The following TNS1 variants were observed in gnomAD, a reference collection of about 807,000 sequenced individuals.
TNS1 encodes tensin-1.
In TNS1, 62 loss-of-function variants were observed where a neutral mutation model predicts 168.6. The observed-to-expected ratio is 0.37, with a 90% CI of 0.30 to 0.45. TNS1 has a LOEUF of 0.45. Ranked by LOEUF, TNS1 falls within the 20% of genes least tolerant of loss-of-function variation. TNS1 has a pLI of 1.00. For synonymous variants in TNS1, 934 were observed against 933.2 expected (o/e 1.00, Z -0.02); for missense variants, 2,240 against 2,339.4 (o/e 0.96, Z 0.88).
At chr2:217,967,831 A>G (rs906441642) in intron 3 of TNS1, among the ~76,000 whole-genome samples, 8 of 152,212 alleles carry the variant, frequency 5.3e-5, no homozygotes, top group East Asian at 1.9e-4. Flanking sequence ...GGCCAAAACC[A>G]AAGATATCAA....
chr2:217,912,298 G>A (rs560897809), intron 4 of TNS1, among the ~76,000 whole-genome samples: 78 of 152,344 alleles, frequency 5.1e-4, no homozygotes, highest in East Asian at 4.6e-3. Context: ...GCCCAGGGCC[G>A]AGGGGAAGGG....
chr2:217,844,925 A>T (rs1946444205), intron 19 of TNS1, among the ~76,000 whole-genome samples: 1 of 152,222 alleles, frequency 6.6e-6, no homozygotes, highest in African/African-American at 2.4e-5. Flanking sequence ...ACTGGCTAGG[A>T]CATCCAATAC....
At chr2:217,918,536 C>T (rs547648479) in intron 4 of TNS1, among the ~76,000 whole-genome samples, 1 of 152,212 alleles carries the variant, frequency 6.6e-6, no homozygotes, top group Non-Finnish European at 1.5e-5. Flanking sequence ...GCAGTCCCCC[C>T]AGCTGGAATG....
At chr2:217,816,958 A>G (rs568295323) in intron 24 of TNS1, among the ~76,000 whole-genome samples, 1 of 152,326 alleles carries the variant, frequency 6.6e-6, no homozygotes, top group East Asian at 1.9e-4. Flanking sequence ...TGTTTAGACA[A>G]TGAGCTTTCT....
chr2:218,016,056 G>C (rs904945179), intron 1 of TNS1, among the ~76,000 whole-genome samples: 7 of 152,084 alleles, frequency 4.6e-5, no homozygotes, highest in Non-Finnish European at 1.5e-5. Flanking sequence ...CCAGGGAAAG[G>C]GGGAGGGCAG....
At chr2:217,861,130 C>T (rs564515038) in intron 18 of TNS1, among the ~76,000 whole-genome samples, 1 of 152,296 alleles carries the variant, frequency 6.6e-6, no homozygotes, top group East Asian at 1.9e-4. Flanking sequence ...TACTGTCTTC[C>T]TCCAAAAGCC....
intron 22 of TNS1, among the ~76,000 whole-genome samples, chr2:217,825,308 C>A (rs1231896465): frequency 6.6e-6 from 1 of 152,042 alleles, no homozygotes; most frequent in East Asian, 1.9e-4. Flanking sequence ...GTGGCTACAT[C>A]CCCTACCCAC....
intron 19 of TNS1, among the ~76,000 whole-genome samples, chr2:217,843,491 G>C (rs4643515): frequency 0.45 from 68,274 of 151,844 alleles, 16,775 homozygotes; most frequent in African/African-American, 0.67. Flanking sequence ...CAAAACCACT[G>C]AAAAGAGTAC....
chr2:217,836,280 C>T, intron 19 of TNS1, 69 bp from the exon 20 acceptor site: 1 of 1,469,454 alleles, frequency 6.8e-7, no homozygotes. Context: ...CGGCCTAATC[C>T]CATCAGAGAA....
intron 18 of TNS1, chr2:217,879,590 A>G: frequency 3.3e-6 from 1 of 299,578 alleles, no homozygotes; most frequent in South Asian, 2.4e-5. Flanking sequence ...CACGTAAAAA[A>G]ATGTGCTCTC....
At chr2:217,808,217 C>A (rs987801518) in intron 31 of TNS1, 110 bp from the exon 32 acceptor site, 2 of 1,321,284 alleles carry the variant, frequency 1.5e-6, no homozygotes, top group African/African-American at 1.5e-5. Context: ...GAGCTGCCCC[C>A]CATTCCCCCC....
chr2:218,015,655 C>G (rs567842387), intron 1 of TNS1, among the ~76,000 whole-genome samples: 13 of 152,312 alleles, frequency 8.5e-5, no homozygotes, highest in African/African-American at 3.1e-4. Context: ...CCCCCACCCC[C>G]CTTTATTCTC....
chr2:217,871,467 A>G (rs755776009), intron 18 of TNS1, among the ~76,000 whole-genome samples: 9 of 152,210 alleles, frequency 5.9e-5, no homozygotes, highest in Non-Finnish European at 1.3e-4. Context: ...CAAGGGGCAC[A>G]TGTATCACTC....
chr2:217,972,407 G>A (rs1431383215), intron 3 of TNS1, among the ~76,000 whole-genome samples: 2 of 152,218 alleles, frequency 1.3e-5, no homozygotes, highest in Non-Finnish European at 2.9e-5. Flanking sequence ...GTAAAAGAAG[G>A]CTGCAGGTGT....
chr2:217,887,658 A>T (rs1951337580), intron 12 of TNS1, among the ~76,000 whole-genome samples: 1 of 152,172 alleles, frequency 6.6e-6, no homozygotes, highest in Non-Finnish European at 1.5e-5. Context: ...GGAAGAACTA[A>T]CCCACACCCT....
At position 217,895,021 on chromosome 2, in the gene TNS1, C is replaced by T. The variant is rs750884795; in HGVS notation, c.579G>A (p.Thr193=). Residue 193 remains threonine (T), a synonymous_variant, in exon 9 of 33, where the codon ACG becomes ACA. Transcript: ENST00000682258. ...CCTGGCTCACCTTGGCATGGAGCTT[C>T]GTGATGTCAGGTCTCCGCTCAGAGA... ...FNLSERRPDI[T]KLHAKVLEFG... 42 of 1,612,770 alleles carry T rather than the reference C, an allele frequency of 2.6e-5. No homozygotes were observed. In the African/African-American group the frequency reaches 2.9e-4, roughly 11 times the overall value.
chr2:217,920,355 C>G (rs753770949), intron 3 of TNS1, 119 bp from the exon 4 acceptor site: 137 of 674,588 alleles, frequency 2.0e-4, no homozygotes, highest in Non-Finnish European at 3.3e-4. Context: ...CTGACACCTT[C>G]TGGGTTGAGA....
chr2:217,964,268 CAATCATCTTATGAA>C (rs1957569663), intron 3 of TNS1, among the ~76,000 whole-genome samples: 1 of 152,206 alleles, frequency 6.6e-6, no homozygotes, highest in African/African-American at 2.4e-5. Context: ...TTAATTCTTA[CAATCATCTTATGAA>C]GCAAGATCTA....
intron 6 of TNS1, chr2:217,901,765 T>C (rs1953013690): frequency 6.6e-6 from 1 of 152,278 alleles, no homozygotes; most frequent in Non-Finnish European, 1.5e-5. Flanking sequence ...AACCTGGGGC[T>C]TGACCACGGG....
Sources: allele counts gnomAD v4.1 joint callset (sites outside exome capture counted in the v4.1 genomes callset), GRCh38; gene constraint gnomAD v4.1.1; transcripts MANE v1.5; gene names NCBI Gene and HGNC (gene_info 2026-07-23, HGNC 2026-07-21).